AGBL4: variants seen among roughly 807,000 people sequenced by gnomAD.
The protein encoded by AGBL4 is cytosolic carboxypeptidase 6.
AGBL4 carries 58 observed loss-of-function variants against 66.4 expected under a neutral mutation model. The observed-to-expected ratio is 0.87, with a 90% CI of 0.71 to 1.09. The LOEUF (loss-of-function observed/expected upper bound fraction) is 1.09, where lower values mean the gene tolerates loss of function less well. Ranked by LOEUF, AGBL4 falls within the 50% of genes least tolerant of loss-of-function variation. AGBL4 has a pLI of 0.00. For synonymous variants in AGBL4, 234 were observed against 222.9 expected, an observed-to-expected ratio of 1.05 and a Z score of -0.44; for missense variants, 579 against 631.0, an observed-to-expected ratio of 0.92 and a Z score of 0.88.
rs77014486 is a variant in AGBL4, at chr1:48,890,900, C to T, written c.595-23670G>A. ...AATGGTCGTGTTGGTGAGAACTGAT[C>T]GGAACCAATAATCAATAATCAGAGA... is the stretch of plus-strand genomic sequence containing the variant. On this transcript the variant is annotated intron_variant, in intron 5 of 13. Transcript: ENST00000371839. Among the ~76,000 whole-genome samples, 752 of 152,124 alleles carry T rather than the reference C, an allele frequency of 4.9e-3. 7 individuals carry two copies. The highest frequency in any genetic ancestry group is 6.8e-3 in the Non-Finnish European group (462 of 68,000).
intron 4 of AGBL4, among the ~76,000 whole-genome samples, chr1:49,109,344 C>T (rs191492350): frequency 1.3e-5 from 2 of 152,276 alleles, no homozygotes. Context: ...GCTGTTAGGG[C>T]TCTTCTCACC....
intron 5 of AGBL4, among the ~76,000 whole-genome samples, chr1:48,952,965 T>C (rs1335798352): frequency 6.6e-6 from 1 of 152,182 alleles, no homozygotes; most frequent in East Asian, 1.9e-4. Context: ...GCCAAAATAC[T>C]GAACATTCCT....
intron 2 of AGBL4, among the ~76,000 whole-genome samples, chr1:49,739,075 GAGA>G (rs1185527219): frequency 3.3e-5 from 5 of 152,212 alleles, no homozygotes; most frequent in South Asian, 2.1e-4. Flanking sequence ...GACGAGTTGA[GAGA>G]AGAAGGCTTC....
intron 1 of AGBL4, among the ~76,000 whole-genome samples, chr1:49,871,277 T>C (rs1646833137): frequency 6.6e-6 from 1 of 152,050 alleles, no homozygotes; most frequent in Non-Finnish European, 1.5e-5. Flanking sequence ...TCAACATATT[T>C]ATTAAAATTT....
chr1:48,711,057 C>G (rs1178388936), intron 6 of AGBL4, among the ~76,000 whole-genome samples: 1 of 151,890 alleles, frequency 6.6e-6, no homozygotes, highest in Non-Finnish European at 1.5e-5. Flanking sequence ...CCCTACTGCT[C>G]ACCCCTGATC....
At chr1:49,406,863 A>G (rs1392539217) in intron 3 of AGBL4, among the ~76,000 whole-genome samples, 2 of 151,998 alleles carry the variant, frequency 1.3e-5, no homozygotes, top group Non-Finnish European at 2.9e-5. Flanking sequence ...CAGGAAATCG[A>G]GACCATCCTG....
intron 2 of AGBL4, among the ~76,000 whole-genome samples, chr1:49,773,951 G>T (rs1644131694): frequency 6.6e-6 from 1 of 152,134 alleles, no homozygotes; most frequent in Non-Finnish European, 1.5e-5. Context: ...CTGGAGTATT[G>T]GTGCTGTAGG....
At chr1:48,832,807 AT>A (rs760307275) in intron 6 of AGBL4, among the ~76,000 whole-genome samples, 10 of 152,062 alleles carry the variant, frequency 6.6e-5, no homozygotes, top group Admixed American at 1.3e-4. Context: ...GAAAGGGAAA[AT>A]TTGCTCTCTT....
At chr1:49,085,262 T>TTCATCATCATCA (rs55673573) in intron 4 of AGBL4, among the ~76,000 whole-genome samples, 2 of 145,316 alleles carry the variant, frequency 1.4e-5, no homozygotes, top group East Asian at 2.0e-4. Flanking sequence ...GACTGGGACT[T>TTCATCATCATCA]TCATCATCAT....
intron 4 of AGBL4, among the ~76,000 whole-genome samples, chr1:49,169,629 G>A (rs1286127418): frequency 2.6e-5 from 4 of 152,178 alleles, no homozygotes; most frequent in Non-Finnish European, 5.9e-5. Context: ...AGCCCATTAA[G>A]CAGTTATTTC....
intron 6 of AGBL4, among the ~76,000 whole-genome samples, chr1:48,750,728 T>C (rs996896690): frequency 6.6e-6 from 1 of 152,242 alleles, no homozygotes; most frequent in Non-Finnish European, 1.5e-5. Flanking sequence ...TGAGATAGGC[T>C]GCACTGGAAG....
Position 49,930,675 on chromosome 1 carries a change from G to A in AGBL4, c.35-79157C>T, listed in dbSNP as rs376489901. 1.6e-3 allele frequency among the ~76,000 whole-genome samples: 239 copies of A among 152,024 alleles called. 9 individuals carry two copies. In the South Asian group the frequency reaches 0.047, roughly 30 times the overall value. ...AATTAACATACCAAAAACATGTAACGATCTCAATATATCCATTAAAAGCAT... is the reference window on the plus strand; with the variant it reads ...AATTAACATACCAAAAACATGTAACAATCTCAATATATCCATTAAAAGCAT... On this transcript the variant is annotated intron_variant, in intron 1 of 13. Coordinates refer to ENST00000371839, the MANE Select transcript of AGBL4 (RefSeq NM_032785.4).
At chr1:49,123,067 C>A (rs1569689807) in intron 4 of AGBL4, among the ~76,000 whole-genome samples, 1 of 152,188 alleles carries the variant, frequency 6.6e-6, no homozygotes, top group East Asian at 1.9e-4. Context: ...GTTGGCCAGG[C>A]TGGTCTCAAA....
At chr1:48,869,301 G>A (rs560381703) in intron 5 of AGBL4, among the ~76,000 whole-genome samples, 3 of 152,318 alleles carry the variant, frequency 2.0e-5, no homozygotes, top group South Asian at 2.1e-4. Context: ...TAGAAGGAAC[G>A]CTGGAGCCAG....
chr1:48,989,500 A>G (rs1410998644), intron 5 of AGBL4, among the ~76,000 whole-genome samples: 1 of 152,020 alleles, frequency 6.6e-6, no homozygotes, highest in Non-Finnish European at 1.5e-5. Flanking sequence ...CTCATTAACC[A>G]TCCCCACTCT....
chr1:49,494,964 A>G (rs1383626619), intron 3 of AGBL4, among the ~76,000 whole-genome samples: 4 of 152,156 alleles, frequency 2.6e-5, no homozygotes, highest in South Asian at 2.1e-4. Flanking sequence ...CAATTTTAAT[A>G]TACTTTAATT....
chr1:49,139,861 C>A (rs1646085217), intron 4 of AGBL4, among the ~76,000 whole-genome samples: 2 of 152,008 alleles, frequency 1.3e-5, no homozygotes, highest in South Asian at 4.1e-4. Flanking sequence ...GGTTTGAATC[C>A]CCTTCTCTAT....
chr1:49,774,131 G>A (rs915158173), intron 2 of AGBL4, among the ~76,000 whole-genome samples: 6 of 152,134 alleles, frequency 3.9e-5, no homozygotes, highest in East Asian at 1.9e-4. Flanking sequence ...TTTCTCTTCC[G>A]GGGAATGCAC....
intron 4 of AGBL4, among the ~76,000 whole-genome samples, chr1:49,073,482 A>T (rs1644650713): frequency 6.6e-6 from 1 of 152,006 alleles, no homozygotes. Context: ...CCTCTTTGTC[A>T]GTTTTCCTTC....
Sources: gnomAD v4.1 joint callset for allele counts (sites outside exome capture counted in the v4.1 genomes callset) on GRCh38, gnomAD v4.1.1 for gene constraint, MANE v1.5 for transcripts, NCBI Gene and HGNC (gene_info 2026-07-23, HGNC 2026-07-21) for gene names.